The following MECOM variants were observed in gnomAD, a reference collection of about 807,000 sequenced individuals.
MECOM encodes MDS1 and EVI1 complex locus, also known as histone-lysine N-methyltransferase MECOM.
In MECOM, 13 loss-of-function variants were observed where a neutral mutation model predicts 116.3. The observed-to-expected ratio is 0.11, with a 90% CI of 0.07 to 0.18. The LOEUF is 0.18. MECOM is among the 10% of genes least tolerant of loss of function. The probability of loss-of-function intolerance (pLI) is 1.00; values close to 1 mark genes in which losing one functional copy is unlikely to be tolerated. For missense variants in MECOM, 1,299 were observed against 1,509.0 expected, an observed-to-expected ratio of 0.86 and a Z score of 2.31; for synonymous variants, 528 against 535.2, an observed-to-expected ratio of 0.99 and a Z score of 0.19.
At chr3:169,215,170 T>G (rs1250121691) in intron 2 of MECOM, among the ~76,000 whole-genome samples, 1 of 149,974 alleles carries the variant, frequency 6.7e-6, no homozygotes, top group Non-Finnish European at 1.5e-5. Context: ...AACAAAACAC[T>G]AATGTGAAAA....
rs116523496 is a variant in MECOM at position 169,640,690 on chromosome 3, G to A, written c.37+22646C>T. On this transcript the variant is annotated intron_variant, in intron 1 of 16. Transcript: ENST00000651503. ...AACATCACCACACCCTTATGAAGTC[G>A]GTGGTCTCATCTCCGTGTTATAGAG... Among the ~76,000 whole-genome samples, 1,038 of 152,240 alleles carry A rather than the reference G, an allele frequency of 6.8e-3. 8 individuals carry two copies. Among genetic ancestry groups the A allele is most frequent in the Non-Finnish European group, 0.01 (704 of 68,008 alleles).
chr3:169,258,195 G>A (rs966790542), intron 2 of MECOM, among the ~76,000 whole-genome samples: 1 of 152,012 alleles, frequency 6.6e-6, no homozygotes, highest in Non-Finnish European at 1.5e-5. Context: ...TCTCCAGCCT[G>A]GGTGACAGAG....
In MECOM at chr3:169,554,940, T is replaced by G. The variant is rs531630872; in HGVS notation, c.37+108396A>C. 3.3e-5 allele frequency among the ~76,000 whole-genome samples: 5 copies of G among 152,354 alleles called. No homozygotes were observed. The South Asian group carries it at 8.3e-4, about 25-fold the overall frequency. On this transcript the variant is annotated intron_variant, in intron 1 of 16. Coordinates refer to ENST00000651503, the MANE Select transcript of MECOM (RefSeq NM_004991.4). ...TGACTCCAGTGCCCTTGAACAAGTA[T>G]GCAAGTCACTGAATAACAGAGCCAG... is the stretch of plus-strand genomic sequence containing the variant.
chr3:169,222,201 A>T (rs548836335), intron 2 of MECOM, among the ~76,000 whole-genome samples: 67 of 152,320 alleles, frequency 4.4e-4, no homozygotes, highest in Non-Finnish European at 8.2e-4. Flanking sequence ...ATAAGTGGTA[A>T]ATTATTTTCT....
chr3:169,435,696 C>T (rs543330386), intron 1 of MECOM, among the ~76,000 whole-genome samples: 2 of 152,284 alleles, frequency 1.3e-5, no homozygotes, highest in South Asian at 2.1e-4. Flanking sequence ...AGGGCCAAAA[C>T]TAGTGTCTTC....
At chr3:169,438,599 T>C (rs1256684857) in intron 1 of MECOM, among the ~76,000 whole-genome samples, 1 of 152,216 alleles carries the variant, frequency 6.6e-6, no homozygotes, top group East Asian at 1.9e-4. Flanking sequence ...ACTTCTGACC[T>C]GCCCCATGCT....
rs149763365 is a variant in MECOM, at chr3:169,338,600, G to GGTGTGTGTGTGT, written c.375+42575_375+42586dup. ...ATTTAGGAAATGTATTTATGTTAGG[G>GGTGTGTGTGTGT]GTGTGTGTGTGTGTGTGTGTGTGTG... On this transcript the variant is annotated intron_variant, in intron 2 of 16. Coordinates refer to ENST00000651503, the MANE Select transcript of MECOM (RefSeq NM_004991.4). Among the ~76,000 whole-genome samples the GGTGTGTGTGTGT allele has an allele frequency of 4.2e-3, 611 of 146,530 alleles. 5 individuals are homozygous for GGTGTGTGTGTGT. Among genetic ancestry groups the GGTGTGTGTGTGT allele is most frequent in the African/African-American group, 0.012 (466 of 39,608 alleles).
intron 2 of MECOM, among the ~76,000 whole-genome samples, chr3:169,244,073 A>G (rs998259799): frequency 1.3e-5 from 2 of 152,184 alleles, no homozygotes; most frequent in Non-Finnish European, 2.9e-5. Flanking sequence ...CCCGTGAAAT[A>G]TGTAATACTT....
At chr3:169,378,426 A>G (rs905175386) in intron 2 of MECOM, among the ~76,000 whole-genome samples, 1 of 75,588 alleles carries the variant, frequency 1.3e-5, no homozygotes, top group Non-Finnish European at 2.3e-5. Context: ...AGAAAGAAAG[A>G]AAGAAAGAAA....
chr3:169,385,922 T>C (rs893287896), intron 1 of MECOM, among the ~76,000 whole-genome samples: 38 of 152,202 alleles, frequency 2.5e-4, no homozygotes, highest in African/African-American at 9.2e-4. Flanking sequence ...TGTAACTTCT[T>C]GGAGCTGAGC....
chr3:169,403,107 A>G (rs1173875252), intron 1 of MECOM, among the ~76,000 whole-genome samples: 1 of 152,240 alleles, frequency 6.6e-6, no homozygotes, highest in Non-Finnish European at 1.5e-5. Context: ...CTGCAAAATC[A>G]ACATTCTCTA....
intron 1 of MECOM, among the ~76,000 whole-genome samples, chr3:169,498,861 A>G (rs978725721): frequency 5.9e-5 from 9 of 152,180 alleles, no homozygotes; most frequent in Non-Finnish European, 1.2e-4. Flanking sequence ...CATTAGCATC[A>G]GTGAAACAAA....
At chr3:169,477,148 T>TATAC (rs1400596819) in intron 1 of MECOM, 1 of 42,460 alleles carries the variant, frequency 2.4e-5, no homozygotes, top group Admixed American at 2.8e-4. Flanking sequence ...TATATATATA[T>TATAC]ACACACACAC....
At chr3:169,143,618 C>T in intron 3 of MECOM, 80 bp downstream of exon 3, 1 of 1,395,858 alleles carries the variant, frequency 7.2e-7, no homozygotes, top group Non-Finnish European at 9.5e-7. Flanking sequence ...TCTACTGCAG[C>T]TTACTGTTAT....
At chr3:169,117,924 A>C (rs1010759286) in intron 7 of MECOM, among the ~76,000 whole-genome samples, 4 of 152,122 alleles carry the variant, frequency 2.6e-5, no homozygotes, top group African/African-American at 9.7e-5. Flanking sequence ...AGCTTATTTT[A>C]ACACTTCTGT....
At chr3:169,588,441 G>A (rs1199124776) in intron 1 of MECOM, among the ~76,000 whole-genome samples, 1 of 152,128 alleles carries the variant, frequency 6.6e-6, no homozygotes, top group Non-Finnish European at 1.5e-5. Flanking sequence ...TAAAAGTTCT[G>A]TCATCCTGTT....
chr3:169,554,118 C>G (rs968582138), intron 1 of MECOM, among the ~76,000 whole-genome samples: 25 of 152,166 alleles, frequency 1.6e-4, no homozygotes, highest in Non-Finnish European at 3.4e-4. Context: ...TCCTGGCCAG[C>G]TCCATAGAAA....
At chr3:169,130,943 A>C (rs943256393) in intron 4 of MECOM, among the ~76,000 whole-genome samples, 1 of 152,116 alleles carries the variant, frequency 6.6e-6, no homozygotes, top group Admixed American at 6.5e-5. Flanking sequence ...CTCTGCCTCT[A>C]TAATTTCTTC....
chr3:169,294,821 C>G (rs1035923085), intron 2 of MECOM, among the ~76,000 whole-genome samples: 2 of 152,128 alleles, frequency 1.3e-5, no homozygotes, highest in African/African-American at 4.8e-5. Context: ...TGTGCCCAAA[C>G]AGAGCTTGGT....
Sources: allele counts gnomAD v4.1 joint callset (sites outside exome capture counted in the v4.1 genomes callset), GRCh38; gene constraint gnomAD v4.1.1; transcripts MANE v1.5; gene names NCBI Gene and HGNC (gene_info 2026-07-23, HGNC 2026-07-21).